The following CHST1 variants were observed in gnomAD, a reference collection of about 807,000 sequenced individuals.
CHST1 encodes the protein carbohydrate sulfotransferase 1.
Under a neutral mutation model 22.5 loss-of-function variants are expected in CHST1, and 10 were observed. The observed-to-expected ratio is 0.44, with a 90% CI of 0.27 to 0.75. CHST1 has a LOEUF of 0.75. CHST1 is among the 30% of genes least tolerant of loss of function. CHST1 has a pLI of 0.15. For synonymous variants in CHST1, 267 were observed against 264.5 expected, an observed-to-expected ratio of 1.01 and a Z score of -0.09; for missense variants, 439 against 576.1, an observed-to-expected ratio of 0.76 and a Z score of 2.44.
chr11:45,663,351 C>T (rs927601633), intron 1 of CHST1, among the ~76,000 whole-genome samples: 2 of 152,094 alleles, frequency 1.3e-5, no homozygotes, highest in East Asian at 1.9e-4. Context: ...AGGGCCCTGT[C>T]GGCAAGGGTT....
chr11:45,660,576 G>A (rs1442249617), intron 1 of CHST1, among the ~76,000 whole-genome samples: 1 of 152,214 alleles, frequency 6.6e-6, no homozygotes, highest in Non-Finnish European at 1.5e-5. Flanking sequence ...CAGGAGAGGG[G>A]CTTAAATGGC....
chr11:45,659,195 G>A (rs1322536544), intron 1 of CHST1, among the ~76,000 whole-genome samples: 4 of 152,152 alleles, frequency 2.6e-5, no homozygotes, highest in Non-Finnish European at 2.9e-5. Flanking sequence ...GAGGAGCAGC[G>A]AGGCTCAGCA....
intron 1 of CHST1, among the ~76,000 whole-genome samples, chr11:45,664,143 G>A (rs1238072879): frequency 6.6e-6 from 1 of 152,118 alleles, no homozygotes; most frequent in African/African-American, 2.4e-5. Flanking sequence ...CCCAGCCAGG[G>A]TGCCTGACTC....
At chr11:45,661,007 G>A (rs927193480) in intron 1 of CHST1, among the ~76,000 whole-genome samples, 4 of 152,236 alleles carry the variant, frequency 2.6e-5, no homozygotes, top group South Asian at 2.1e-4. Context: ...ATGTGGCACC[G>A]TGGGGATTTA....
chr11:45,665,129 G>C lies in CHST1; in HGVS notation c.-227+49C>G, dbSNP rs1244838933. 1 of 151,854 alleles carries C rather than the reference G, an allele frequency of 6.6e-6. No individual in the cohort carries two copies. Among genetic ancestry groups the C allele is most frequent in the Admixed American group, 6.6e-5 (1 of 15,260 alleles). 9.4% of individuals were successfully genotyped at this position (151,854 alleles called of 1,614,324 possible). A position where few individuals can be genotyped will look rare whatever the true frequency, so the allele number is the denominator to read the frequency against. On this transcript the variant is annotated intron_variant, in intron 1 of 3. Coordinates refer to ENST00000308064, the MANE Select transcript of CHST1 (RefSeq NM_003654.6). The surrounding 1 kb of genome is among the most constrained non-coding windows in gnomAD (Gnocchi z 4.0). ...CCGCGCCCCTCCCGGCTGCTGCGGCGGAGTGTCCGCTCCCGCCCGCCCCGG... is the reference window on the plus strand; with the variant it reads ...CCGCGCCCCTCCCGGCTGCTGCGGCCGAGTGTCCGCTCCCGCCCGCCCCGG...
At chr11:45,659,131 T>C (rs763174457) in intron 1 of CHST1, among the ~76,000 whole-genome samples, 1 of 152,186 alleles carries the variant, frequency 6.6e-6, no homozygotes, top group Non-Finnish European at 1.5e-5. Context: ...CAGACCTGGC[T>C]TCTGTCAGGG....
At chr11:45,661,119 A>G (rs890023680) in intron 1 of CHST1, among the ~76,000 whole-genome samples, 2 of 152,272 alleles carry the variant, frequency 1.3e-5, no homozygotes, top group Admixed American at 6.5e-5. Flanking sequence ...CTTGATTTTT[A>G]GCAAAGCATT....
At chr11:45,657,548 CTG>C (rs1290478956) in intron 1 of CHST1, among the ~76,000 whole-genome samples, 1 of 152,248 alleles carries the variant, frequency 6.6e-6, no homozygotes, top group Non-Finnish European at 1.5e-5. Flanking sequence ...TTACAGAGCT[CTG>C]TGCGTGTGCC....
chr11:45,649,639 T>G lies in CHST1; in HGVS notation c.*49A>C. 1 of 1,501,440 alleles carries G rather than the reference T, an allele frequency of 6.7e-7. No homozygotes were observed. Among genetic ancestry groups the G allele is most frequent in the Non-Finnish European group, 8.8e-7 (1 of 1,132,734 alleles). The allele number at this position is 1,501,440 out of a possible 1,614,324, so 93.0% of individuals were successfully genotyped here. Reference sequence around the variant, plus strand: ...GGCAACAGTTAAAAACGGTCCATTTTATCAAAACCGACACCTTGCGCCTCC... The same window carrying G: ...GGCAACAGTTAAAAACGGTCCATTTGATCAAAACCGACACCTTGCGCCTCC... On this transcript the variant is annotated 3_prime_UTR_variant, in exon 4 of 4. Transcript: ENST00000308064.
rs765204855 is a variant in CHST1, at chr11:45,649,926, T to C, written c.998A>G (p.Gln333Arg). 11 of 1,613,038 alleles carry C rather than the reference T, an allele frequency of 6.8e-6. No individual in the cohort carries two copies. The East Asian group carries it at 2.5e-4, about 36-fold the overall frequency. The change falls in exon 4 of 4, where the codon CAG (glutamine) becomes CGG (arginine). Residue 333 changes from glutamine (Q) to arginine (R), a missense_variant. Gln to Arg is a conservative substitution (Grantham distance 43). Coordinates refer to ENST00000308064, the MANE Select transcript of CHST1 (RefSeq NM_003654.6). ...PLDSHVARWI[Q>R]NNTRGDPTLG... ...GGTGGGGTCGCCCCGCGTGTTGTTC[T>C]GGATCCAGCGGGCCACGTGGCTGTC...
At position 45,650,047 on chromosome 11, in the gene CHST1, G is replaced by A; in HGVS notation, c.877C>T (p.Leu293Phe). 1 of 1,614,108 alleles carries A rather than the reference G, an allele frequency of 6.2e-7. No homozygotes were observed. The highest frequency in any genetic ancestry group is 8.5e-7 in the Non-Finnish European group (1 of 1,180,018). ...CGCACCAACATGTACTTGCCCTTGA[G>A]CCACGGGGGCCGCATGAGGCCGGTG... ...VSTGLMRPPWLKGKYMLVRYE... is the reference protein window; with the variant it reads ...VSTGLMRPPWFKGKYMLVRYE... Residue 293 changes from leucine (L) to phenylalanine (F), a missense_variant, in exon 4 of 4, where the codon CTC becomes TTC. Physicochemically the swap from Leu to Phe is conservative, Grantham distance 22 (BLOSUM62 0). Transcript: ENST00000308064.
rs45473702 is a variant in CHST1 at position 45,649,471 on chromosome 11, C to A, written c.*217G>T. 194 of 558,046 alleles carry A rather than the reference C, an allele frequency of 3.5e-4. 1 individual carries two copies. In the East Asian group the frequency reaches 5.5e-3, roughly 16 times the overall value. 34.6% of individuals were successfully genotyped at this position (558,046 alleles called of 1,614,324 possible). On this transcript the variant is annotated 3_prime_UTR_variant, in exon 4 of 4. Transcript: ENST00000308064. The stretch of plus-strand genomic sequence containing the variant: ...TGAATGGGGGGGGGGGGGGCGGGAC[C>A]CTACTTCAGGCGCCCTCTGCCCCAG...
Position 45,649,906 on chromosome 11 carries a change from G to A in CHST1, c.1018C>T (p.Pro340Ser). Residue 340 changes from proline (P) to serine (S), a missense_variant, in exon 4 of 4, where the codon CCC (proline) becomes TCC (serine). By Grantham distance (74) the Pro-to-Ser change is moderately conservative. Coordinates refer to ENST00000308064, the MANE Select transcript of CHST1 (RefSeq NM_003654.6). Reference sequence around the variant, plus strand: ...CCGTATTTGTGCTTGCCCAGGGTGGGGTCGCCCCGCGTGTTGTTCTGGATC... The same window carrying A: ...CCGTATTTGTGCTTGCCCAGGGTGGAGTCGCCCCGCGTGTTGTTCTGGATC... ...RWIQNNTRGD[P>S]TLGKHKYGTV... 1 of 1,612,104 alleles carries A rather than the reference G, an allele frequency of 6.2e-7. No homozygotes were observed.
chr11:45,664,757 G>A (rs1017122775), intron 1 of CHST1, among the ~76,000 whole-genome samples: 1 of 152,214 alleles, frequency 6.6e-6, no homozygotes, highest in Admixed American at 6.5e-5. Flanking sequence ...CCCCGCCTCC[G>A]GGTGCAGCTG....
chr11:45,660,249 A>G (rs1044021185), intron 1 of CHST1, among the ~76,000 whole-genome samples: 1 of 152,196 alleles, frequency 6.6e-6, no homozygotes, highest in Non-Finnish European at 1.5e-5. Flanking sequence ...AGATTTGTTC[A>G]TGCAACTCAG....
intron 1 of CHST1, among the ~76,000 whole-genome samples, chr11:45,658,316 G>C (rs1416283154): frequency 6.6e-6 from 1 of 152,234 alleles, no homozygotes; most frequent in African/African-American, 2.4e-5. Context: ...GATGCCCACA[G>C]CTTAACACAG....
At chr11:45,656,809 G>A (rs1852068370) in intron 1 of CHST1, among the ~76,000 whole-genome samples, 1 of 151,710 alleles carries the variant, frequency 6.6e-6, no homozygotes, top group Admixed American at 6.6e-5. Flanking sequence ...CCAGAAATGG[G>A]CTTTGTCTGC....
rs45447393 is a variant in CHST1, at chr11:45,658,569, G to A, written c.-226-5963C>T. ...TGCCGTGGAGGGTGGGAGTGGGAGG[G>A]GGGTGGTCCCAGGCCCGACCTGAGG... On this transcript the variant is annotated intron_variant, in intron 1 of 3. Coordinates refer to ENST00000308064, the MANE Select transcript of CHST1 (RefSeq NM_003654.6). 3.4e-3 allele frequency among the ~76,000 whole-genome samples: 523 copies of A among 152,206 alleles called. 3 individuals are homozygous for A. The highest frequency in any genetic ancestry group is 0.012 in the African/African-American group (501 of 41,544).
At position 45,648,445 on chromosome 11, in the gene CHST1, G is replaced by T. The variant is rs1027269554; in HGVS notation, c.*1243C>A. Among the ~76,000 whole-genome samples the T allele has an allele frequency of 6.6e-6, 1 of 151,942 alleles. No individual in the cohort carries two copies. Among genetic ancestry groups the T allele is most frequent in the East Asian group, 1.9e-4 (1 of 5,190 alleles). On this transcript the variant is annotated 3_prime_UTR_variant, in exon 4 of 4. Transcript: ENST00000308064. The stretch of plus-strand genomic sequence containing the variant: ...GTCTGCAATCCCAGCACTTTGGGAG[G>T]CTGAGGCAGGAGGAATGCCCAGAGC...
Sources: gnomAD v4.1 joint callset for allele counts (sites outside exome capture counted in the v4.1 genomes callset) on GRCh38, gnomAD v4.1.1 for gene constraint, Gnocchi (gnomAD v3.1) non-coding constraint, MANE v1.5 for transcripts, NCBI Gene and HGNC (gene_info 2026-07-23, HGNC 2026-07-21) for gene names.